MYLK: variants seen among roughly 807,000 people sequenced by gnomAD.
MYLK encodes the protein myosin light chain kinase, smooth muscle.
In MYLK, 106 loss-of-function variants were observed where a neutral mutation model predicts 203.4. That is an observed-to-expected ratio of 0.52 (90% CI 0.45 to 0.61). The LOEUF (loss-of-function observed/expected upper bound fraction) is 0.61. MYLK is among the 20% of genes least tolerant of loss of function. The pLI is 0.00. For synonymous variants in MYLK, 867 were observed against 959.5 expected (o/e 0.90, Z 1.78); for missense variants, 2,072 against 2,442.3 (o/e 0.85, Z 3.20).
intron 2 of MYLK, among the ~76,000 whole-genome samples, chr3:123,866,987 C>T (rs564354189): frequency 1.3e-5 from 2 of 152,264 alleles, no homozygotes; most frequent in East Asian, 1.9e-4. Flanking sequence ...TAGAACACCC[C>T]TTTCCCTCGG....
At chr3:123,803,796 A>G (rs1334350112) in intron 3 of MYLK, among the ~76,000 whole-genome samples, 1 of 152,214 alleles carries the variant, frequency 6.6e-6, no homozygotes, top group East Asian at 1.9e-4. Flanking sequence ...ACAGCGGCAC[A>G]GGCTAGGAAG....
chr3:123,653,535 C>T lies in MYLK; in HGVS notation c.4288+3591G>A, dbSNP rs948516167. 2.6e-5 allele frequency among the ~76,000 whole-genome samples: 4 copies of T among 152,182 alleles called. No homozygotes were observed. The East Asian group carries it at 7.7e-4, about 29-fold the overall frequency. On this transcript the variant is annotated intron_variant, in intron 24 of 33. Coordinates refer to ENST00000360304, the MANE Select transcript of MYLK (RefSeq NM_053025.4). ...TCCTCCTCTGGATTTCAAGTGATTT[C>T]AACATTGCCCTTTGTCTATTCCCAG...
At chr3:123,653,834 C>A (rs1158536973) in intron 24 of MYLK, among the ~76,000 whole-genome samples, 1 of 152,186 alleles carries the variant, frequency 6.6e-6, no homozygotes, top group Non-Finnish European at 1.5e-5. Context: ...TGGATGATTT[C>A]CTTTCCAGCC....
chr3:123,778,569 C>T (rs1310609061), intron 4 of MYLK, among the ~76,000 whole-genome samples: 1 of 151,916 alleles, frequency 6.6e-6, no homozygotes, highest in Non-Finnish European at 1.5e-5. Flanking sequence ...GCTCGAGCAG[C>T]CCATCAACAG....
chr3:123,667,234 T>C, intron 20 of MYLK, 47 bp from the exon 21 acceptor site: 2 of 1,581,338 alleles, frequency 1.3e-6, no homozygotes, highest in Non-Finnish European at 8.7e-7. Context: ...TCTGTTTTTT[T>C]CACAAAGCTC....
At chr3:123,669,852 T>C (rs2059855245) in intron 20 of MYLK, among the ~76,000 whole-genome samples, 1 of 151,718 alleles carries the variant, frequency 6.6e-6, no homozygotes, top group Non-Finnish European at 1.5e-5. Context: ...CTGACCAACA[T>C]GGCAAAACCC....
At chr3:123,669,912 G>T (rs1194667012) in intron 20 of MYLK, among the ~76,000 whole-genome samples, 1 of 151,568 alleles carries the variant, frequency 6.6e-6, no homozygotes, top group African/African-American at 2.4e-5. Context: ...GTGTGCGCCT[G>T]TAATCCCAGC....
intron 11 of MYLK, among the ~76,000 whole-genome samples, chr3:123,732,480 A>G (rs1164078984): frequency 6.6e-6 from 1 of 152,248 alleles, no homozygotes; most frequent in African/African-American, 2.4e-5. Flanking sequence ...CCCCACAATG[A>G]ACATGCATTA....
intron 2 of MYLK, among the ~76,000 whole-genome samples, chr3:123,873,529 AT>A (rs2032942720): frequency 6.6e-6 from 1 of 152,160 alleles, no homozygotes. Flanking sequence ...ATGATTATCT[AT>A]GATGAAAATC....
chr3:123,762,772 T>A (rs975513156), intron 4 of MYLK, among the ~76,000 whole-genome samples: 1 of 152,256 alleles, frequency 6.6e-6, no homozygotes, highest in East Asian at 1.9e-4. Flanking sequence ...ATAGCATTCA[T>A]CCCCTTTGGA....
intron 19 of MYLK, among the ~76,000 whole-genome samples, chr3:123,686,053 C>T (rs2060443291): frequency 6.6e-6 from 1 of 152,224 alleles, no homozygotes; most frequent in Non-Finnish European, 1.5e-5. Context: ...AAGGAGTGGG[C>T]TCGAAGGGCC....
intron 32 of MYLK, among the ~76,000 whole-genome samples, chr3:123,619,164 C>T (rs2057699702): frequency 6.6e-6 from 1 of 152,172 alleles, no homozygotes; most frequent in African/African-American, 2.4e-5. Context: ...AGCAGGTGTT[C>T]CACCTGCTTT....
chr3:123,760,212 C>A (rs2063490814), intron 4 of MYLK, among the ~76,000 whole-genome samples: 1 of 152,154 alleles, frequency 6.6e-6, no homozygotes, highest in African/African-American at 2.4e-5. Context: ...GAGTCTTGCT[C>A]TTGTTGCCCA....
chr3:123,657,401 G>A lies in MYLK; in HGVS notation c.4013C>T (p.Pro1338Leu), dbSNP rs2059422916. 1 of 1,613,650 alleles carries A rather than the reference G, an allele frequency of 6.2e-7. No homozygotes were observed. Among genetic ancestry groups the A allele is most frequent in the Admixed American group, 1.7e-5 (1 of 60,008 alleles). Reference protein sequence around the residue: ...VDKPDPPAGTPCASDIRSSSL... With the variant: ...VDKPDPPAGTLCASDIRSSSL... ...GGAGCTCCGAATGTCAGAGGCACAA[G>A]GTGTGCCAGCTGGGGGGTCTGGCTT... is the stretch of plus-strand genomic sequence containing the variant. The change falls in exon 24 of 34, where the codon CCT becomes CTT. Residue 1338 changes from proline to leucine, a missense_variant. Pro to Leu is a moderately conservative substitution (Grantham distance 98, BLOSUM62 -3). Transcript: ENST00000360304.
In MYLK at chr3:123,746,189, A is replaced by G. The variant is rs144414869; in HGVS notation, c.373+6142T>C. Reference sequence around the variant, plus strand: ...AATTTAAAGACAAATAAGTTCAAGTATAAAGAATTGTGAAGCCAGGCATGG... The same window carrying G: ...AATTTAAAGACAAATAAGTTCAAGTGTAAAGAATTGTGAAGCCAGGCATGG... On this transcript the variant is annotated intron_variant, in intron 5 of 33. Transcript: ENST00000360304. Among the ~76,000 whole-genome samples, 541 of 152,258 alleles carry G rather than the reference A, an allele frequency of 3.6e-3. 4 individuals are homozygous for G. The highest frequency in any genetic ancestry group is 0.012 in the African/African-American group (515 of 41,536).
At chr3:123,765,549 G>GA (rs925298238) in intron 4 of MYLK, among the ~76,000 whole-genome samples, 29 of 150,018 alleles carry the variant, frequency 1.9e-4, no homozygotes, top group African/African-American at 4.4e-4. Flanking sequence ...AAAAAGAAAG[G>GA]AAAAAAAACA....
intron 13 of MYLK, among the ~76,000 whole-genome samples, chr3:123,721,820 T>A (rs820352): frequency 0.83 from 115,819 of 139,248 alleles, 50,391 homozygotes; most frequent in Non-Finnish European, 0.97. Context: ...CCCAGTGGAG[T>A]GAGGGGGTGA....
chr3:123,742,275 C>T (rs903357022), intron 5 of MYLK, among the ~76,000 whole-genome samples: 3 of 152,142 alleles, frequency 2.0e-5, no homozygotes, highest in Non-Finnish European at 4.4e-5. Context: ...AATCCCAGCA[C>T]ATTGTAGGTA....
chr3:123,618,111 T>G (rs1365763343), intron 33 of MYLK: 1 of 172,040 alleles, frequency 5.8e-6, no homozygotes, highest in Non-Finnish European at 1.2e-5. Flanking sequence ...ATATGTCCCC[T>G]CACAGAATCC....
Sources: gnomAD v4.1 joint callset for allele counts (sites outside exome capture counted in the v4.1 genomes callset) on GRCh38, gnomAD v4.1.1 for gene constraint, MANE v1.5 for transcripts, NCBI Gene and HGNC (gene_info 2026-07-23, HGNC 2026-07-21) for gene names.